Variants in PHF21B observed in about 807,000 individuals in gnomAD.
PHF21B encodes the protein PHD finger protein 4.
PHF21B carries 22 observed loss-of-function variants against 62.2 expected under a neutral mutation model. That is an observed-to-expected ratio of 0.35 (90% confidence interval 0.25 to 0.51). The LOEUF (loss-of-function observed/expected upper bound fraction) is 0.51, where lower values mean the gene tolerates loss of function less well. Ranked by LOEUF, PHF21B falls within the 20% of genes least tolerant of loss-of-function variation. The pLI, the probability that PHF21B is intolerant of heterozygous loss-of-function variation, is 0.97. For synonymous variants in PHF21B, 341 were observed against 314.7 expected (o/e 1.08, Z -0.88); for missense variants, 701 against 707.9 (o/e 0.99, Z 0.11).
At position 44,945,801 on chromosome 22, in the gene PHF21B, G is replaced by A. The variant is rs111582618; in HGVS notation, c.121-25311C>T. Among the ~76,000 whole-genome samples, 531 of 152,132 alleles carry A rather than the reference G, an allele frequency of 3.5e-3. 4 individuals are homozygous for A. Among genetic ancestry groups the A allele is most frequent in the African/African-American group, 0.011 (472 of 41,520 alleles). ...AAGCACGAGGGGTCAGCCTGAACCT[G>A]AGTCTGGGGCTCCAAAGGGGGCTGA... On this transcript the variant is annotated intron_variant, in intron 2 of 12. Transcript: ENST00000313237.
Position 44,888,253 on chromosome 22 carries a change from C to T in PHF21B, c.1039-132G>A, listed in dbSNP as rs1010058701. 1.1e-5 allele frequency: 12 copies of T among 1,098,766 alleles called. No homozygotes were observed. The African/African-American group carries it at 1.3e-4, about 12-fold the overall frequency. The allele number at this position is 1,098,766 out of a possible 1,614,324, so 68.1% of individuals were successfully genotyped here. A position where few individuals can be genotyped will look rare whatever the true frequency, so the allele number is the denominator to read the frequency against. On this transcript the variant is annotated intron_variant, in intron 9 of 12. Coordinates refer to ENST00000313237, the MANE Select transcript of PHF21B (RefSeq NM_138415.5). Reference sequence around the variant, plus strand: ...CTCTTCTGCCAACGTTTCCCAGCAGCTCTACGGAGAGAGAGGGATAAACCC... The same window carrying T: ...CTCTTCTGCCAACGTTTCCCAGCAGTTCTACGGAGAGAGAGGGATAAACCC...
chr22:44,914,840 C>T (rs762038368), intron 4 of PHF21B, among the ~76,000 whole-genome samples: 6 of 152,138 alleles, frequency 3.9e-5, no homozygotes, highest in African/African-American at 7.2e-5. Flanking sequence ...TCCACCCATC[C>T]GGCCCAGCCT....
chr22:45,009,183 G>A lies in PHF21B; in HGVS notation c.54+313C>T, dbSNP rs988703725. 9 of 441,638 alleles carry A rather than the reference G, an allele frequency of 2.0e-5. No homozygotes were observed. The highest frequency in any genetic ancestry group is 2.9e-5 in the Non-Finnish European group (8 of 274,638). The allele number at this position is 441,638 out of a possible 1,614,324, so 27.4% of individuals were successfully genotyped here. A position where few individuals can be genotyped will look rare whatever the true frequency, so the allele number is the denominator to read the frequency against. On this transcript the variant is annotated intron_variant, in intron 1 of 12. Coordinates refer to ENST00000313237, the MANE Select transcript of PHF21B (RefSeq NM_138415.5). The surrounding 1 kb of genome is among the most constrained non-coding windows in gnomAD (Gnocchi z 5.9). ...GGCCTATTCGCACTCCCCTCCCCGG[G>A]ACCGGCTCACGAAGGGGCCCCCTCC...
At chr22:45,003,044 C>G (rs867264799) in intron 2 of PHF21B, 1 of 152,354 alleles carries the variant, frequency 6.6e-6, no homozygotes, top group African/African-American at 2.4e-5. Flanking sequence ...TTTCACAGCC[C>G]TTTTCCAGAA....
rs2147557706 is a variant in PHF21B, at chr22:45,009,213, A to C, written c.54+283T>G. 2.5e-6 allele frequency: 1 copy of C among 403,514 alleles called. No individual in the cohort carries two copies. Among genetic ancestry groups the C allele is most frequent in the Non-Finnish European group, 4.2e-6 (1 of 235,852 alleles). 25.0% of individuals were successfully genotyped at this position (403,514 alleles called of 1,614,324 possible). A position where few individuals can be genotyped will look rare whatever the true frequency, so the allele number is the denominator to read the frequency against. On this transcript the variant is annotated intron_variant, in intron 1 of 12. Transcript: ENST00000313237. The surrounding 1 kb of genome is among the most constrained non-coding windows in gnomAD (Gnocchi z 5.9). ...GCTCACGAAGGGGCCCCCTCCAGGC[A>C]CCCTCCCAGTCATGCAGACCCTACA... is the stretch of plus-strand genomic sequence containing the variant.
At chr22:44,898,331 AACAC>A (rs34146194) in intron 5 of PHF21B, among the ~76,000 whole-genome samples, 28,112 of 151,976 alleles carry the variant, frequency 0.18, 3,572 homozygotes, top group East Asian at 0.62. Flanking sequence ...CCACAGAGGT[AACAC>A]ACCTTCTCAT....
At chr22:44,953,228 T>C (rs901907708) in intron 2 of PHF21B, among the ~76,000 whole-genome samples, 10 of 152,228 alleles carry the variant, frequency 6.6e-5, no homozygotes, top group Admixed American at 2.0e-4. Flanking sequence ...TCCCAAGCCC[T>C]GGGCAGGATG....
At chr22:44,906,328 G>A (rs2071249448) in intron 5 of PHF21B, among the ~76,000 whole-genome samples, 1 of 152,220 alleles carries the variant, frequency 6.6e-6, no homozygotes, top group African/African-American at 2.4e-5. Flanking sequence ...ATCATTTGCA[G>A]GGCGAATAGA....
chr22:44,920,419 T>A lies in PHF21B; in HGVS notation c.192A>T (p.Gln64His), dbSNP rs758157269. 5.0e-6 allele frequency: 8 copies of A among 1,611,910 alleles called. No individual in the cohort carries two copies. Among genetic ancestry groups the A allele is most frequent in the Non-Finnish European group, 6.8e-6 (8 of 1,178,892 alleles). Residue 64 changes from glutamine (Q) to histidine (H), a missense_variant, in exon 3 of 13, where the codon CAA becomes CAT. Gln to His is a conservative substitution (Grantham distance 24, BLOSUM62 0). Coordinates refer to ENST00000313237, the MANE Select transcript of PHF21B (RefSeq NM_138415.5). ...TTACCTGAGGTAGCACTGCCGCTCC[T>A]TGCCCGGCCAACCTCTGCAAGGAGC... is the stretch of plus-strand genomic sequence containing the variant. ...QVSSLQRLAG[Q>H]GAAVLPQVRP...
intron 2 of PHF21B, among the ~76,000 whole-genome samples, chr22:44,941,342 C>G (rs1016427814): frequency 2.0e-5 from 3 of 152,218 alleles, no homozygotes; most frequent in Non-Finnish European, 4.4e-5. Flanking sequence ...GGGGCTGTGC[C>G]CTTCCAGGGC....
At chr22:44,975,986 G>A (rs2147462198) in intron 2 of PHF21B, among the ~76,000 whole-genome samples, 1 of 152,314 alleles carries the variant, frequency 6.6e-6, no homozygotes, top group South Asian at 2.1e-4. Context: ...TGGGCAACAT[G>A]GCGAAACCTC....
intron 5 of PHF21B, among the ~76,000 whole-genome samples, chr22:44,904,899 T>A (rs369034101): frequency 6.6e-6 from 1 of 152,180 alleles, no homozygotes; most frequent in Non-Finnish European, 1.5e-5. Context: ...AGTCTGCAGA[T>A]ATTTATTGCT....
intron 2 of PHF21B, among the ~76,000 whole-genome samples, chr22:45,007,544 C>T (rs1359132887): frequency 6.7e-5 from 2 of 29,656 alleles, no homozygotes; most frequent in African/African-American, 2.9e-4. Flanking sequence ...GGGCGCGGCG[C>T]GGGCGGGGGC....
Position 45,009,022 on chromosome 22 carries a change from A to G in PHF21B, c.55-412T>C. 1.8e-6 allele frequency: 2 copies of G among 1,124,214 alleles called. No individual in the cohort carries two copies. Among genetic ancestry groups the G allele is most frequent in the Non-Finnish European group, 2.2e-6 (2 of 919,546 alleles). 69.6% of individuals were successfully genotyped at this position (1,124,214 alleles called of 1,614,324 possible). A position where few individuals can be genotyped will look rare whatever the true frequency, so the allele number is the denominator to read the frequency against. ...CAAGTCGCGTCCTAATCTCCCCAACACACACACGCGCACGCCGAGCCCCGC... is the reference window on the plus strand; with the variant it reads ...CAAGTCGCGTCCTAATCTCCCCAACGCACACACGCGCACGCCGAGCCCCGC... On this transcript the variant is annotated intron_variant, in intron 1 of 12. Coordinates refer to ENST00000313237, the MANE Select transcript of PHF21B (RefSeq NM_138415.5). This position sits in a 1 kb window ranked among gnomAD's most constrained non-coding sequence, Gnocchi z 5.9.
At chr22:44,981,547 A>G (rs2072842164) in intron 2 of PHF21B, among the ~76,000 whole-genome samples, 1 of 152,220 alleles carries the variant, frequency 6.6e-6, no homozygotes, top group South Asian at 2.1e-4. Flanking sequence ...GGGAAATGTG[A>G]CTTTCCTGAT....
intron 2 of PHF21B, among the ~76,000 whole-genome samples, chr22:44,966,104 C>A (rs1027065471): frequency 2.6e-5 from 4 of 152,122 alleles, no homozygotes; most frequent in African/African-American, 9.7e-5. Flanking sequence ...TCCTCCAGAG[C>A]CTGCCAGATG....
At chr22:44,988,542 G>A (rs564457313) in intron 2 of PHF21B, among the ~76,000 whole-genome samples, 1 of 152,300 alleles carries the variant, frequency 6.6e-6, no homozygotes, top group South Asian at 2.1e-4. Flanking sequence ...TGAAAAAAAT[G>A]ACTAGAAGTC....
Position 44,896,027 on chromosome 22 carries a change from C to T in PHF21B, c.883+5G>A. The T allele has an allele frequency of 6.2e-7, 1 of 1,614,192 alleles. No homozygotes were observed. The highest frequency in any genetic ancestry group is 8.5e-7 in the Non-Finnish European group (1 of 1,180,018). Reference sequence around the variant, plus strand: ...CAACCTGCTGCTACCTGGATCCTTCCTTACCTTCCAAATGTTCCGTGGTAA... The same window carrying T: ...CAACCTGCTGCTACCTGGATCCTTCTTTACCTTCCAAATGTTCCGTGGTAA... On this transcript the variant is annotated splice_donor_5th_base_variant and intron_variant, in intron 6 of 12. Coordinates refer to ENST00000313237, the MANE Select transcript of PHF21B (RefSeq NM_138415.5).
intron 8 of PHF21B, among the ~76,000 whole-genome samples, chr22:44,890,925 G>A (rs2070952030): frequency 6.6e-6 from 1 of 152,264 alleles, no homozygotes; most frequent in Non-Finnish European, 1.5e-5. Context: ...GGGTGGGCAA[G>A]GTGTGGGCTG....
Sources: gnomAD v4.1 joint callset for allele counts (sites outside exome capture counted in the v4.1 genomes callset) on GRCh38, gnomAD v4.1.1 for gene constraint, Gnocchi (gnomAD v3.1) non-coding constraint, MANE v1.5 for transcripts, NCBI Gene and HGNC (gene_info 2026-07-23, HGNC 2026-07-21) for gene names.